The following SECISBP2 variants were observed in gnomAD, a reference collection of about 807,000 sequenced individuals.
The protein encoded by SECISBP2 is selenocysteine insertion sequence-binding protein 2.
SECISBP2 carries 96 observed loss-of-function variants against 98.2 expected under a neutral mutation model. The ratio of observed to expected loss-of-function variants is 0.98; its 90% CI spans 0.83 to 1.16. The LOEUF is 1.16. SECISBP2 is among the 50% of genes most tolerant of loss of function. SECISBP2 has a pLI of 0.00. For missense variants in SECISBP2, 1,046 were observed against 1,022.9 expected (o/e 1.02, Z -0.31); for synonymous variants, 407 against 370.2 (o/e 1.10, Z -1.14).
intron 2 of SECISBP2, 136 bp downstream of exon 2, chr9:89,319,933 T>C (rs949920831): frequency 1.5e-5 from 14 of 932,930 alleles, no homozygotes; most frequent in South Asian, 5.5e-5. Context: ...AAGAAGAGTC[T>C]GAGCCAGTAG....
chr9:89,350,874 G>A (rs1831178947), intron 14 of SECISBP2, 22 bp downstream of exon 14: 1 of 1,600,094 alleles, frequency 6.2e-7, no homozygotes, highest in Non-Finnish European at 8.6e-7. Flanking sequence ...GTGTGGTCCT[G>A]TGATATGTGG....
At chr9:89,341,236 C>G in intron 9 of SECISBP2, 111 bp from the exon 10 acceptor site, 1 of 1,064,610 alleles carries the variant, frequency 9.4e-7, no homozygotes, top group Middle Eastern at 3.0e-4. Flanking sequence ...TTTAAAAATT[C>G]TTTTTTATAG....
In SECISBP2 at chr9:89,326,038, G is replaced by A. The variant is rs991317869; in HGVS notation, c.574G>A (p.Asp192Asn). Residue 192 changes from aspartate (D) to asparagine (N), a missense_variant and splice_region_variant, in exon 4 of 17, where the codon GAT becomes AAT. Coordinates refer to ENST00000375807, the MANE Select transcript of SECISBP2 (RefSeq NM_024077.5). ...TTACGCTGAGAATAGTTTGAAATCA[G>A]GTAAAAATAACCAACAATGTAGTAT... The part of the protein sequence containing the change: ...SIYAENSLKS[D>N]GYHKRTDRKS... The A allele has an allele frequency of 1.9e-6, 3 of 1,612,066 alleles. No individual in the cohort carries two copies. The highest frequency in any genetic ancestry group is 2.5e-6 in the Non-Finnish European group (3 of 1,179,988).
chr9:89,319,033 G>A (rs1825214739), intron 1 of SECISBP2: 1 of 1,020,062 alleles, frequency 9.8e-7, no homozygotes, highest in South Asian at 4.3e-5. Flanking sequence ...GCGATCGCTT[G>A]CATCATTTTT....
At position 89,358,868 on chromosome 9, in the gene SECISBP2, T is replaced by G; in HGVS notation, c.*44T>G. 2.5e-6 allele frequency: 3 copies of G among 1,181,352 alleles called. No homozygotes were observed. Among genetic ancestry groups the G allele is most frequent in the Non-Finnish European group, 3.8e-6 (3 of 790,964 alleles). 73.2% of individuals were successfully genotyped at this position (1,181,352 alleles called of 1,614,324 possible). Reference sequence around the variant, plus strand: ...CTGTATTTTGGGTAAGGAGGGGAGGTCTGAAAAAGACTTTGGGGCTTTTTC... The same window carrying G: ...CTGTATTTTGGGTAAGGAGGGGAGGGCTGAAAAAGACTTTGGGGCTTTTTC... On this transcript the variant is annotated 3_prime_UTR_variant, in exon 17 of 17. Coordinates refer to ENST00000375807, the MANE Select transcript of SECISBP2 (RefSeq NM_024077.5).
intron 12 of SECISBP2, among the ~76,000 whole-genome samples, chr9:89,349,308 G>C (rs1830909226): frequency 6.6e-6 from 1 of 152,166 alleles, no homozygotes; most frequent in Admixed American, 6.5e-5. Flanking sequence ...CACACCTCTT[G>C]AGTTTCTCAT....
downstream of SECISBP2, chr9:89,362,464 A>G (rs1387575981): frequency 6.2e-7 from 1 of 1,613,926 alleles, no homozygotes; most frequent in Admixed American, 1.7e-5. Flanking sequence ...TCCTTGGTGG[A>G]ACGGATGGGC....
In SECISBP2 at chr9:89,319,727, T is replaced by G. The variant is rs1468992519; in HGVS notation, c.112T>G (p.Ser38Ala). Residue 38 changes from serine (S) to alanine (A), a missense_variant, in exon 2 of 17, where the codon TCA (serine) becomes GCA (alanine). Ser to Ala is a moderately conservative substitution (Grantham distance 99). Coordinates refer to ENST00000375807, the MANE Select transcript of SECISBP2 (RefSeq NM_024077.5). ...AGLNVAWLES[S>A]EACVFPSSAA... ...GCTCAATGTGGCATGGTTAGAGTCC[T>G]CAGAAGCATGTGTCTTCCCCAGCTC... 6.2e-7 allele frequency: 1 copy of G among 1,614,060 alleles called. No individual in the cohort carries two copies. Among genetic ancestry groups the G allele is most frequent in the African/African-American group, 1.3e-5 (1 of 74,936 alleles).
intron 10 of SECISBP2, 95 bp downstream of exon 10, chr9:89,341,574 T>C: frequency 4.9e-6 from 7 of 1,432,092 alleles, no homozygotes; most frequent in Non-Finnish European, 6.9e-6. Context: ...AAGTTATTTA[T>C]AGATAAAACA....
chr9:89,334,008 G>A (rs1828209405), intron 6 of SECISBP2: 1 of 1,029,564 alleles, frequency 9.7e-7, no homozygotes, highest in African/African-American at 1.7e-5. Flanking sequence ...AGATGTCTTT[G>A]TTTTGTCTGT....
chr9:89,339,843 AG>A lies in SECISBP2; in HGVS notation c.1213-17del. 1 of 1,567,174 alleles carries A rather than the reference AG, an allele frequency of 6.4e-7. No individual in the cohort carries two copies. The highest frequency in any genetic ancestry group is 8.8e-7 in the Non-Finnish European group (1 of 1,137,610). Reference sequence around the variant, plus strand: ...ATGTTTGCATTAACAAAAGAGCTAAAGGGGTGTGTGGTTTACTTAGGATGCC... The same window carrying A: ...ATGTTTGCATTAACAAAAGAGCTAAAGGGTGTGTGGTTTACTTAGGATGCC... On this transcript the variant is annotated intron_variant, in intron 8 of 16. Transcript: ENST00000375807.
At chr9:89,346,504 C>T (rs1291279064) in intron 10 of SECISBP2, among the ~76,000 whole-genome samples, 1 of 152,074 alleles carries the variant, frequency 6.6e-6, no homozygotes, top group Non-Finnish European at 1.5e-5. Context: ...TGGAGAGGGA[C>T]GTGTTCACAG....
intron 16 of SECISBP2, among the ~76,000 whole-genome samples, chr9:89,358,490 C>T (rs1832443391): frequency 1.3e-5 from 2 of 152,170 alleles, no homozygotes; most frequent in Non-Finnish European, 2.9e-5. Context: ...AGCCTACCTA[C>T]ACAAGGCCCC....
At chr9:89,346,103 T>G (rs1004847605) in intron 10 of SECISBP2, among the ~76,000 whole-genome samples, 7 of 152,238 alleles carry the variant, frequency 4.6e-5, no homozygotes, top group African/African-American at 1.7e-4. Context: ...TATTGATGAT[T>G]GTTGAAGCTG....
intron 11 of SECISBP2, 86 bp from the exon 12 acceptor site, chr9:89,347,993 T>C (rs11516154): frequency 3.7e-5 from 51 of 1,365,460 alleles, no homozygotes; most frequent in Non-Finnish European, 5.1e-5. Flanking sequence ...TGCCAAAAAG[T>C]TGAACTTGGG....
At chr9:89,332,772 G>C in intron 5 of SECISBP2, 136 bp from the exon 6 acceptor site, 1 of 717,656 alleles carries the variant, frequency 1.4e-6, no homozygotes, top group Non-Finnish European at 2.5e-6. Context: ...TCCCAAAGTG[G>C]CTGTAACGTT....
At chr9:89,342,758 G>A (rs1829844031) in intron 10 of SECISBP2, among the ~76,000 whole-genome samples, 1 of 152,150 alleles carries the variant, frequency 6.6e-6, no homozygotes, top group African/African-American at 2.4e-5. Context: ...ACCTGGGGCT[G>A]AGGGGAAAAG....
downstream of SECISBP2, among the ~76,000 whole-genome samples, chr9:89,363,270 C>A (rs983586704): frequency 2.0e-5 from 3 of 152,280 alleles, no homozygotes; most frequent in South Asian, 2.1e-4. Flanking sequence ...TGGGATTTCC[C>A]CCCCCAGTGT....
chr9:89,346,935 C>A lies in SECISBP2; in HGVS notation c.1489C>A (p.Arg497Ser). 6.2e-7 allele frequency: 1 copy of A among 1,614,116 alleles called. No homozygotes were observed. The highest frequency in any genetic ancestry group is 8.5e-7 in the Non-Finnish European group (1 of 1,180,030). ...KECASGERGR[R>S]MSQMKTPHNP... is the part of the protein sequence containing the mutation. ...ATGTGCATCAGGGGAGAGAGGCCGC[C>A]GCATGAGTCAAATGAAGACCCCGCA... is the stretch of plus-strand genomic sequence containing the variant. Residue 497 changes from arginine to serine, a missense_variant, in exon 11 of 17, where the codon CGC becomes AGC. Coordinates refer to ENST00000375807, the MANE Select transcript of SECISBP2 (RefSeq NM_024077.5).
Sources: allele counts gnomAD v4.1 joint callset (sites outside exome capture counted in the v4.1 genomes callset), GRCh38; gene constraint gnomAD v4.1.1; transcripts MANE v1.5; gene names NCBI Gene and HGNC (gene_info 2026-07-23, HGNC 2026-07-21).